Variants in MGAT5B observed in about 807,000 individuals in gnomAD.
MGAT5B encodes the protein N-acetylglucosaminyl-transferase Vb.
In MGAT5B, 54 loss-of-function variants were observed where a neutral mutation model predicts 95.1. The observed-to-expected ratio is 0.57, with a 90% confidence interval of 0.46 to 0.71. The LOEUF (loss-of-function observed/expected upper bound fraction) is 0.71. Ranked by LOEUF, MGAT5B falls within the 30% of genes least tolerant of loss-of-function variation. The probability of loss-of-function intolerance (pLI) is 0.00; values close to 1 mark genes in which losing one functional copy is unlikely to be tolerated. For missense variants in MGAT5B, 935 were observed against 1,088.6 expected (o/e 0.86, Z 1.99); for synonymous variants, 464 against 451.0 (o/e 1.03, Z -0.36).
chr17:76,921,300 T>C (rs550028486), intron 8 of MGAT5B, among the ~76,000 whole-genome samples: 3 of 152,352 alleles, frequency 2.0e-5, no homozygotes, highest in South Asian at 4.1e-4. Flanking sequence ...GTCTCACTTA[T>C]CTTAGTCGCA....
Position 76,948,941 on chromosome 17 carries a change from C to A in MGAT5B, c.*103C>A, listed in dbSNP as rs777667238. The A allele has an allele frequency of 8.7e-6, 11 of 1,270,322 alleles. No individual in the cohort carries two copies. Among genetic ancestry groups the A allele is most frequent in the Admixed American group, 2.4e-5 (1 of 41,998 alleles). 78.7% of individuals were successfully genotyped at this position (1,270,322 alleles called of 1,614,324 possible). A position where few individuals can be genotyped will look rare whatever the true frequency, so the allele number is the denominator to read the frequency against. ...CCTGGCTGCTTGTCCTCCTCGCAAC[C>A]CCCCCAGGCCGGAGCTTCCTTCCTT... On this transcript the variant is annotated 3_prime_UTR_variant, in exon 18 of 18. Transcript: ENST00000569840.
intron 3 of MGAT5B, among the ~76,000 whole-genome samples, chr17:76,893,527 G>A (rs2097620865): frequency 6.6e-6 from 1 of 152,234 alleles, no homozygotes; most frequent in African/African-American, 2.4e-5. Flanking sequence ...AAAGGAAAAT[G>A]TACTATAAGC....
chr17:76,884,322 C>T (rs1324635093), intron 3 of MGAT5B, among the ~76,000 whole-genome samples: 1 of 152,206 alleles, frequency 6.6e-6, no homozygotes, highest in African/African-American at 2.4e-5. Flanking sequence ...TGGGTTCAGG[C>T]TAACTGGCTC....
chr17:76,872,685 G>C (rs563032028), intron 1 of MGAT5B, 166 bp from the exon 2 acceptor site: 21 of 1,529,338 alleles, frequency 1.4e-5, no homozygotes, highest in East Asian at 2.5e-5. Flanking sequence ...ATCCTATAGT[G>C]GGGGGGCCCT....
At chr17:76,882,701 GCC>G (rs796611708) in intron 3 of MGAT5B, among the ~76,000 whole-genome samples, 7 of 111,576 alleles carry the variant, frequency 6.3e-5, no homozygotes, top group Non-Finnish European at 6.5e-5. Context: ...ATATTCCACT[GCC>G]CCTTTTTTTT....
At chr17:76,898,080 A>T (rs1238517532) in intron 3 of MGAT5B, among the ~76,000 whole-genome samples, 1 of 151,894 alleles carries the variant, frequency 6.6e-6, no homozygotes, top group African/African-American at 2.4e-5. Context: ...TTATTGAGGT[A>T]TATTTTTCAT....
In MGAT5B at chr17:76,947,989, G is replaced by A. The variant is rs767389592; in HGVS notation, c.2083G>A (p.Val695Met). The part of the protein sequence containing the change: ...PAHALRAWLA[V>M]PGRACTDTCL... The stretch of plus-strand genomic sequence containing the variant: ...GCACGCCCTGCGGGCCTGGCTGGCC[G>A]TGCCTGGGAGGGCCTGCACCGACAC... The change falls in exon 17 of 18, where the codon GTG (valine) becomes ATG (methionine). Residue 695 changes from valine to methionine, a missense_variant. Val to Met is a conservative substitution (Grantham distance 21). Coordinates refer to ENST00000569840, the MANE Select transcript of MGAT5B (RefSeq NM_001199172.2). 1.3e-4 allele frequency: 203 copies of A among 1,612,006 alleles called. 1 individual carries two copies. In the South Asian group the frequency reaches 1.6e-3, roughly 13 times the overall value.
Position 76,905,994 on chromosome 17 carries a change from A to C in MGAT5B, c.856-24A>C. 6.3e-7 allele frequency: 1 copy of C among 1,576,622 alleles called. No individual in the cohort carries two copies. Among genetic ancestry groups the C allele is most frequent in the Non-Finnish European group, 8.6e-7 (1 of 1,164,504 alleles). On this transcript the variant is annotated intron_variant, in intron 7 of 17. Transcript: ENST00000569840. The surrounding 1 kb of genome is among the most constrained non-coding windows in gnomAD (Gnocchi z 4.2). Reference sequence around the variant, plus strand: ...TCAGAGCTGCTGCTCCTCTCTGCTGACCCTCTGTGTTCCGCCCACCCAGAT... The same window carrying C: ...TCAGAGCTGCTGCTCCTCTCTGCTGCCCCTCTGTGTTCCGCCCACCCAGAT...
rs2145134494 is a variant in MGAT5B at position 76,882,143 on chromosome 17, G to A, written c.182-8G>A. 1 of 1,606,172 alleles carries A rather than the reference G, an allele frequency of 6.2e-7. No homozygotes were observed. Among genetic ancestry groups the A allele is most frequent in the South Asian group, 1.1e-5 (1 of 89,900 alleles). On this transcript the variant is annotated splice_polypyrimidine_tract_variant and splice_region_variant and intron_variant, in intron 2 of 17. Transcript: ENST00000569840. ...CCTCCCCTAACCATACCCACACTCT[G>A]CCCACAGTGATGGGGGGCCCCGAGT...
Position 76,904,247 on chromosome 17 carries a change from T to C in MGAT5B, c.520-5T>C. 1 of 1,604,128 alleles carries C rather than the reference T, an allele frequency of 6.2e-7. No homozygotes were observed. Among genetic ancestry groups the C allele is most frequent in the Non-Finnish European group, 8.5e-7 (1 of 1,176,476 alleles). Reference sequence around the variant, plus strand: ...GCCCCCTGCCCAGCCTGGCCCTCTCTGCAGTGGATGCGTGCCCGCTGGACC... The same window carrying C: ...GCCCCCTGCCCAGCCTGGCCCTCTCCGCAGTGGATGCGTGCCCGCTGGACC... On this transcript the variant is annotated splice_polypyrimidine_tract_variant and splice_region_variant and intron_variant, in intron 5 of 17. Transcript: ENST00000569840.
chr17:76,936,926 T>G (rs1055496034), intron 12 of MGAT5B, among the ~76,000 whole-genome samples: 3 of 152,244 alleles, frequency 2.0e-5, no homozygotes, highest in African/African-American at 7.2e-5. Flanking sequence ...TCTAGGTTCT[T>G]TGCATTTCCA....
chr17:76,879,642 G>T (rs146061665), intron 2 of MGAT5B, among the ~76,000 whole-genome samples: 2 of 152,202 alleles, frequency 1.3e-5, no homozygotes, highest in Non-Finnish European at 2.9e-5. Context: ...GGCCAGGCAG[G>T]TCATCTGATG....
intron 12 of MGAT5B, among the ~76,000 whole-genome samples, chr17:76,935,116 G>C: frequency 6.6e-6 from 1 of 152,164 alleles, no homozygotes; most frequent in East Asian, 1.9e-4. Flanking sequence ...GGAAGCGAGG[G>C]GTGAAGGATC....
chr17:76,878,081 G>A (rs1598890842), intron 2 of MGAT5B, among the ~76,000 whole-genome samples: 1 of 152,268 alleles, frequency 6.6e-6, no homozygotes, highest in African/African-American at 2.4e-5. Context: ...AAGTGACTCT[G>A]GGGAAGCGAT....
chr17:76,903,160 G>A (rs1968382004), intron 4 of MGAT5B, 143 bp from the exon 5 acceptor site: 1 of 627,154 alleles, frequency 1.6e-6, no homozygotes, highest in Non-Finnish European at 2.7e-6. Context: ...GGTTGACCTT[G>A]TGGGTGGGTT....
intron 8 of MGAT5B, among the ~76,000 whole-genome samples, chr17:76,909,922 G>A (rs573450448): frequency 6.6e-6 from 1 of 152,330 alleles, no homozygotes; most frequent in East Asian, 1.9e-4. Flanking sequence ...GCACGTGTAA[G>A]TGAGGCTATG....
intron 12 of MGAT5B, among the ~76,000 whole-genome samples, chr17:76,936,824 C>T (rs1969689458): frequency 6.6e-6 from 1 of 152,178 alleles, no homozygotes. Context: ...GCCAATACCA[C>T]ACTATCTGGA....
rs55850824 is a variant in MGAT5B, at chr17:76,914,644, C to CTTTTTTTTTTTT, written c.1025+8459_1025+8470dup. ...CTCTGTGTCCACATTTCTTCTTCCT[C>CTTTTTTTTTTTT]TTTTTTTTTTTTTGAGACAGAGTCT... On this transcript the variant is annotated intron_variant, in intron 8 of 17. Coordinates refer to ENST00000569840, the MANE Select transcript of MGAT5B (RefSeq NM_001199172.2). This position sits in a 1 kb window ranked among gnomAD's most constrained non-coding sequence, Gnocchi z 5.1. 1.0e-4 allele frequency among the ~76,000 whole-genome samples: 15 copies of CTTTTTTTTTTTT among 146,212 alleles called. No homozygotes were observed. Among genetic ancestry groups the CTTTTTTTTTTTT allele is most frequent in the African/African-American group, 2.5e-4 (10 of 39,328 alleles).
intron 3 of MGAT5B, among the ~76,000 whole-genome samples, chr17:76,892,492 C>A (rs1279402878): frequency 6.6e-6 from 1 of 152,236 alleles, no homozygotes; most frequent in African/African-American, 2.4e-5. Context: ...GGTCCTGGGG[C>A]TCCAGATGCA....
Sources: allele counts gnomAD v4.1 joint callset (sites outside exome capture counted in the v4.1 genomes callset), GRCh38; gene constraint gnomAD v4.1.1; non-coding constraint Gnocchi (gnomAD v3.1); transcripts MANE v1.5; gene names NCBI Gene and HGNC (gene_info 2026-07-23, HGNC 2026-07-21).